KIAA1671: variants seen among roughly 807,000 people sequenced by gnomAD.
KIAA1671 encodes the protein uncharacterized protein KIAA1671.
Under a neutral mutation model 131.2 loss-of-function variants are expected in KIAA1671, and 52 were observed. The ratio of observed to expected loss-of-function variants is 0.40; its 90% CI spans 0.32 to 0.50. The LOEUF is 0.50. Ranked by LOEUF, KIAA1671 falls within the 20% of genes least tolerant of loss-of-function variation. The probability of loss-of-function intolerance (pLI) is 0.73; values close to 1 mark genes in which losing one functional copy is unlikely to be tolerated. For synonymous variants in KIAA1671, 1,003 were observed against 961.6 expected (o/e 1.04, Z -0.80); for missense variants, 2,360 against 2,364.2 (o/e 1.00, Z 0.04).
At chr22:25,141,624 A>G (rs1932808695) in intron 6 of KIAA1671, among the ~76,000 whole-genome samples, 1 of 152,186 alleles carries the variant, frequency 6.6e-6, no homozygotes, top group Admixed American at 6.5e-5. Flanking sequence ...AACTTCTGTA[A>G]TCAGGGGAAA....
intron 1 of KIAA1671, among the ~76,000 whole-genome samples, chr22:24,977,487 C>T (rs554222073): frequency 5.3e-5 from 8 of 152,324 alleles, no homozygotes; most frequent in African/African-American, 1.7e-4. Flanking sequence ...GGTCTGGCCT[C>T]ATAGAGCCTG....
At chr22:25,164,323 G>A (rs1378037410) in intron 6 of KIAA1671, among the ~76,000 whole-genome samples, 1 of 152,198 alleles carries the variant, frequency 6.6e-6, no homozygotes, top group Non-Finnish European at 1.5e-5. Context: ...CCCCATAGCT[G>A]TTCCTGCTTC....
intron 6 of KIAA1671, among the ~76,000 whole-genome samples, chr22:25,065,895 T>A (rs954821805): frequency 6.6e-6 from 1 of 152,160 alleles, no homozygotes; most frequent in Non-Finnish European, 1.5e-5. Flanking sequence ...TGCCTTGGCC[T>A]CACAAAATGC....
intron 6 of KIAA1671, among the ~76,000 whole-genome samples, chr22:25,090,704 A>G (rs2145877507): frequency 6.6e-6 from 1 of 152,340 alleles, no homozygotes; most frequent in East Asian, 1.9e-4. Flanking sequence ...CATTGGGTAC[A>G]CGTAGCACCT....
chr22:24,981,810 A>G (rs1923250323), intron 1 of KIAA1671, among the ~76,000 whole-genome samples: 1 of 152,188 alleles, frequency 6.6e-6, no homozygotes, highest in Admixed American at 6.5e-5. Flanking sequence ...TGGGAGACCA[A>G]GGTGGAGGAC....
intron 6 of KIAA1671, among the ~76,000 whole-genome samples, chr22:25,132,039 A>C (rs536190331): frequency 4.6e-5 from 7 of 152,296 alleles, no homozygotes; most frequent in African/African-American, 1.7e-4. Context: ...GATGTTTATG[A>C]GTGCTGTTAT....
intron 6 of KIAA1671, among the ~76,000 whole-genome samples, chr22:25,142,299 C>T (rs916817448): frequency 6.6e-6 from 1 of 152,160 alleles, no homozygotes; most frequent in Non-Finnish European, 1.5e-5. Context: ...CTCAGTTACA[C>T]GAGAAGGGGA....
intron 1 of KIAA1671, among the ~76,000 whole-genome samples, chr22:24,981,426 C>G (rs916748181): frequency 3.9e-5 from 6 of 152,150 alleles, no homozygotes; most frequent in Non-Finnish European, 8.8e-5. Flanking sequence ...AGCCCCGCAT[C>G]GCATTCTTCC....
intron 6 of KIAA1671, among the ~76,000 whole-genome samples, chr22:25,077,580 A>T (rs1363020549): frequency 6.6e-6 from 1 of 152,200 alleles, no homozygotes; most frequent in Non-Finnish European, 1.5e-5. Context: ...GGAACTGCTG[A>T]GTGGCCCGTG....
chr22:25,095,425 G>A (rs1930346814), intron 6 of KIAA1671, among the ~76,000 whole-genome samples: 1 of 152,230 alleles, frequency 6.6e-6, no homozygotes, highest in Non-Finnish European at 1.5e-5. Flanking sequence ...GCTGAAGAGG[G>A]TGGATCACAA....
chr22:25,004,004 A>G (rs959308330), intron 1 of KIAA1671, among the ~76,000 whole-genome samples: 13 of 150,742 alleles, frequency 8.6e-5, no homozygotes, highest in African/African-American at 3.2e-4. Flanking sequence ...TCTTTAGTAG[A>G]GATGGGGTTT....
In KIAA1671 at chr22:25,179,635, C is replaced by A. The variant is rs533822416; in HGVS notation, c.5075-2064C>A. 1.9e-5 allele frequency: 15 copies of A among 775,038 alleles called. No individual in the cohort carries two copies. In the East Asian group the frequency reaches 4.0e-4, roughly 21 times the overall value. 48.0% of individuals were successfully genotyped at this position (775,038 alleles called of 1,614,324 possible). A position where few individuals can be genotyped will look rare whatever the true frequency, so the allele number is the denominator to read the frequency against. ...CACTCCCAAAAGTGGAAACTGATTT[C>A]TTGTTATGCAGAACTTATCAGAAAC... is the stretch of plus-strand genomic sequence containing the variant. On this transcript the variant is annotated intron_variant, in intron 9 of 12. Transcript: ENST00000358431.
Position 25,093,835 on chromosome 22 carries a change from TCTGTC to T in KIAA1671, c.4530+44472_4530+44476del, listed in dbSNP as rs1930251080. ...CTGTCTCTCTCTCTTTCTCTCTCTG[TCTGTC>T]TCTCTCTCTCTCTCTCTCTCTCTCT... On this transcript the variant is annotated intron_variant, in intron 6 of 12. Coordinates refer to ENST00000358431, the MANE Select transcript of KIAA1671 (RefSeq NM_001145206.2). Among the ~76,000 whole-genome samples the T allele has an allele frequency of 2.0e-4, 13 of 64,908 alleles. No individual in the cohort carries two copies. In the East Asian group the frequency reaches 2.9e-3, roughly 15 times the overall value. The allele number at this position is 64,908 out of a possible 152,430, so 42.6% of individuals were successfully genotyped here. A position where few individuals can be genotyped will look rare whatever the true frequency, so the allele number is the denominator to read the frequency against.
rs371582755 is a variant in KIAA1671 at position 25,112,773 on chromosome 22, G to A, written c.4531-58047G>A. 6.3e-5 allele frequency: 11 copies of A among 175,944 alleles called. No individual in the cohort carries two copies. The East Asian group carries it at 1.2e-3, about 19-fold the overall frequency. The allele number at this position is 175,944 out of a possible 1,614,324, so 10.9% of individuals were successfully genotyped here. ...GTGTGAACACCCCAACCCCCGACAC[G>A]AAAGCTCATCCTTCTCCCTATTTTT... On this transcript the variant is annotated intron_variant, in intron 6 of 12. Coordinates refer to ENST00000358431, the MANE Select transcript of KIAA1671 (RefSeq NM_001145206.2).
intron 9 of KIAA1671, chr22:25,179,574 C>T (rs1601387415): frequency 1.4e-6 from 2 of 1,479,510 alleles, no homozygotes; most frequent in South Asian, 1.2e-5. Context: ...GGAACGGAGC[C>T]GCTTCCCCTG....
At chr22:24,960,073 A>C (rs1348667165) in intron 1 of KIAA1671, among the ~76,000 whole-genome samples, 1 of 151,682 alleles carries the variant, frequency 6.6e-6, no homozygotes, top group East Asian at 2.0e-4. Flanking sequence ...GGGAGATTGC[A>C]GTGAATCGAG....
At chr22:25,135,501 G>A (rs1046970473) in intron 6 of KIAA1671, among the ~76,000 whole-genome samples, 2 of 152,142 alleles carry the variant, frequency 1.3e-5, no homozygotes, top group South Asian at 2.1e-4. Context: ...TGGGATTTTT[G>A]TGTGTTTCTT....
At chr22:24,986,483 C>CAAA (rs565802786) in intron 1 of KIAA1671, among the ~76,000 whole-genome samples, 36 of 151,432 alleles carry the variant, frequency 2.4e-4, no homozygotes, top group African/African-American at 7.5e-4. Context: ...TGGAATATGA[C>CAAA]AAGAAAAAAA....
chr22:25,069,589 C>A (rs1233153608), intron 6 of KIAA1671, among the ~76,000 whole-genome samples: 1 of 152,174 alleles, frequency 6.6e-6, no homozygotes, highest in African/African-American at 2.4e-5. Flanking sequence ...TAGCTACCAA[C>A]TCACCGCGTG....
Sources: gnomAD v4.1 joint callset for allele counts (sites outside exome capture counted in the v4.1 genomes callset) on GRCh38, gnomAD v4.1.1 for gene constraint, MANE v1.5 for transcripts, NCBI Gene and HGNC (gene_info 2026-07-23, HGNC 2026-07-21) for gene names.